Variants in RFC2 observed in about 807,000 individuals in gnomAD.
RFC2 encodes the protein A1 40 kDa subunit.
A neutral mutation model predicts 44.8 loss-of-function variants in RFC2; 34 were observed. The observed-to-expected ratio is 0.76, with a 90% CI of 0.58 to 1.01. The LOEUF (loss-of-function observed/expected upper bound fraction) is 1.01. Ranked by LOEUF, RFC2 falls within the 50% of genes least tolerant of loss-of-function variation. The pLI is 0.00. For synonymous variants in RFC2, 177 were observed against 168.9 expected (o/e 1.05, Z -0.37); for missense variants, 400 against 453.6 (o/e 0.88, Z 1.07).
rs373580293 is a variant in RFC2 at position 74,239,923 on chromosome 7, T to C, written c.693+15A>G. ...GCACAGGATGCCCACGCCTGAATGG[T>C]AGCAGCCCACATACCTGCCTCATGT... On this transcript the variant is annotated intron_variant, in intron 7 of 10. Coordinates refer to ENST00000055077, the MANE Select transcript of RFC2 (RefSeq NM_181471.3). 2.5e-6 allele frequency: 4 copies of C among 1,584,788 alleles called. No homozygotes were observed. In the African/African-American group the frequency reaches 4.0e-5, roughly 16 times the overall value.
At position 74,232,003 on chromosome 7, in the gene RFC2, T is replaced by C; in HGVS notation, c.*103A>G. The C allele has an allele frequency of 1.4e-6, 1 of 729,972 alleles. No individual in the cohort carries two copies. The highest frequency in any genetic ancestry group is 2.5e-5 in the East Asian group (1 of 40,158). The allele number at this position is 729,972 out of a possible 1,614,324, so 45.2% of individuals were successfully genotyped here. On this transcript the variant is annotated 3_prime_UTR_variant, in exon 11 of 11. Coordinates refer to ENST00000055077, the MANE Select transcript of RFC2 (RefSeq NM_181471.3). ...CCAGCCACTGGAGTTTAAAGGACAG[T>C]CATGTTGGCTCCAGCCTAAGGCGGC...
chr7:74,236,138 C>T (rs910770486), intron 9 of RFC2, among the ~76,000 whole-genome samples: 6 of 152,236 alleles, frequency 3.9e-5, no homozygotes, highest in African/African-American at 1.2e-4. Context: ...CTCTGCAGGA[C>T]GAGCCTGGAG....
In RFC2 at chr7:74,249,045, T is replaced by TCTTTGAG. The variant is rs782787421; in HGVS notation, c.292_298dup (p.Asp100AlafsTer13). On this transcript the variant is annotated frameshift_variant, in exon 4 of 11. Transcript: ENST00000055077. LOFTEE classifies it high-confidence loss of function. ...TGAAGCATTGAGTTCCAACATGGCATCTTTGAGTGCTGGGCCCAGCAGGGC... is the reference window on the plus strand; with the variant it reads ...TGAAGCATTGAGTTCCAACATGGCATCTTTGAGCTTTGAGTGCTGGGCCCAGCAGGGC... The TCTTTGAG allele has an allele frequency of 1.3e-5, 21 of 1,613,910 alleles. No homozygotes were observed. The African/African-American group carries it at 2.1e-4, about 16-fold the overall frequency.
At chr7:74,250,977 G>C (rs1554720955) in intron 2 of RFC2, among the ~76,000 whole-genome samples, 2 of 152,066 alleles carry the variant, frequency 1.3e-5, no homozygotes, top group African/African-American at 4.8e-5. Flanking sequence ...AGTAGAGACG[G>C]GGTTTTGCCA....
chr7:74,242,799 T>C lies in RFC2; in HGVS notation c.535+347A>G, dbSNP rs539995427. 2.7e-5 allele frequency among the ~76,000 whole-genome samples: 4 copies of C among 149,454 alleles called. No individual in the cohort carries two copies. In the Admixed American group the frequency reaches 2.7e-4, roughly 10 times the overall value. On this transcript the variant is annotated intron_variant, in intron 6 of 10. Coordinates refer to ENST00000055077, the MANE Select transcript of RFC2 (RefSeq NM_181471.3). ...TTAGCTGGGTGTGGTTGTGCGAGCC[T>C]GTAATCCCAGCTACGCAGGAGGCTG...
intron 5 of RFC2, among the ~76,000 whole-genome samples, chr7:74,246,177 C>T (rs1803592652): frequency 6.6e-6 from 1 of 151,422 alleles, no homozygotes; most frequent in Non-Finnish European, 1.5e-5. Flanking sequence ...GCCTGGGAGA[C>T]AGAGCGAGAC....
chr7:74,234,773 A>C (rs1407462359), intron 10 of RFC2, among the ~76,000 whole-genome samples: 2 of 152,102 alleles, frequency 1.3e-5, no homozygotes, highest in Non-Finnish European at 2.9e-5. Context: ...CTCTGCATGC[A>C]CAGGCTCCCA....
chr7:74,245,217 C>T (rs887663315), intron 5 of RFC2, among the ~76,000 whole-genome samples: 5 of 151,420 alleles, frequency 3.3e-5, no homozygotes, highest in Admixed American at 6.6e-5. Flanking sequence ...TTAGTAGAGA[C>T]GAAGTTTCTC....
intron 5 of RFC2, among the ~76,000 whole-genome samples, chr7:74,244,267 CA>C (rs1326146539): frequency 2.0e-5 from 3 of 149,336 alleles, no homozygotes; most frequent in African/African-American, 7.4e-5. Flanking sequence ...GGCTCCACCT[CA>C]AAAAAATAAA....
At chr7:74,242,184 C>A (rs1349805159) in intron 6 of RFC2, among the ~76,000 whole-genome samples, 1 of 152,180 alleles carries the variant, frequency 6.6e-6, no homozygotes, top group African/African-American at 2.4e-5. Flanking sequence ...ACCAAGTACT[C>A]AGAGCACATG....
chr7:74,233,535 T>C (rs1802840080), intron 10 of RFC2, among the ~76,000 whole-genome samples: 1 of 151,896 alleles, frequency 6.6e-6, no homozygotes, highest in Non-Finnish European at 1.5e-5. Context: ...AAATGCAAAT[T>C]AAAGGCACAA....
intron 1 of RFC2, among the ~76,000 whole-genome samples, chr7:74,252,727 G>A (rs1030578468): frequency 6.6e-6 from 1 of 152,088 alleles, no homozygotes; most frequent in African/African-American, 2.4e-5. Context: ...TTGAGGTCAG[G>A]AGTTTGAGCC....
chr7:74,244,361 T>A (rs1408926602), intron 5 of RFC2, among the ~76,000 whole-genome samples: 38 of 149,584 alleles, frequency 2.5e-4, no homozygotes, highest in African/African-American at 6.6e-4. Flanking sequence ...AAAAAAAAAA[T>A]TTTTTTTTTG....
At position 74,244,804 on chromosome 7, in the gene RFC2, T is replaced by TG. The variant is rs1380284134; in HGVS notation, c.435-1559dup. ...GTAACATAGTGAGATCCTGCCCCTGTGAAAAAAAAAATAGCTGGTTGCAGT... is the reference window on the plus strand; with the variant it reads ...GTAACATAGTGAGATCCTGCCCCTGTGGAAAAAAAAAATAGCTGGTTGCAGT... On this transcript the variant is annotated intron_variant, in intron 5 of 10. Coordinates refer to ENST00000055077, the MANE Select transcript of RFC2 (RefSeq NM_181471.3). Among the ~76,000 whole-genome samples, 15 of 151,180 alleles carry TG rather than the reference T, an allele frequency of 9.9e-5. No homozygotes were observed. In the South Asian group the frequency reaches 2.9e-3, roughly 30 times the overall value.
At chr7:74,236,430 G>A (rs1252110026) in intron 9 of RFC2, among the ~76,000 whole-genome samples, 1 of 152,178 alleles carries the variant, frequency 6.6e-6, no homozygotes, top group Non-Finnish European at 1.5e-5. Context: ...TTGTTAGGGG[G>A]TAGGCAGAGG....
rs891823243 is a variant in RFC2 at position 74,254,333 on chromosome 7, G to T, written c.51C>A (p.Asp17Glu). 1 of 1,611,744 alleles carries T rather than the reference G, an allele frequency of 6.2e-7. No individual in the cohort carries two copies. Among genetic ancestry groups the T allele is most frequent in the Non-Finnish European group, 8.5e-7 (1 of 1,179,262 alleles). ...TGCTGAAGGCAGGGGCAGGGTCAGA[G>T]TCCTGGGCCTCCACCTCGCCCGCGC... ...CGGAGEVEAQ[D>E]SDPAPAFSKA... The change falls in exon 1 of 11, where the codon GAC becomes GAA. Residue 17 changes from aspartate (D) to glutamate (E), a missense_variant. Physicochemically the swap from Asp to Glu is conservative, Grantham distance 45 (BLOSUM62 2). Transcript: ENST00000055077.
chr7:74,245,405 C>A (rs956328031), intron 5 of RFC2, among the ~76,000 whole-genome samples: 6 of 151,000 alleles, frequency 4.0e-5, no homozygotes, highest in Non-Finnish European at 7.4e-5. Context: ...CTGTATACTT[C>A]AAAATAGTTA....
Position 74,249,135 on chromosome 7 carries a change from C to T in RFC2, c.226-17G>A, listed in dbSNP as rs964119505. The T allele has an allele frequency of 1.9e-6, 3 of 1,613,714 alleles. No individual in the cohort carries two copies. The highest frequency in any genetic ancestry group is 1.7e-5 in the Admixed American group (1 of 60,000). Reference sequence around the variant, plus strand: ...TGGAGGGCCCTGGGAATGAGATCTCCAGTAAAGACTTCAAACCACCAGAAG... The same window carrying T: ...TGGAGGGCCCTGGGAATGAGATCTCTAGTAAAGACTTCAAACCACCAGAAG... On this transcript the variant is annotated splice_polypyrimidine_tract_variant and intron_variant, in intron 3 of 10. Coordinates refer to ENST00000055077, the MANE Select transcript of RFC2 (RefSeq NM_181471.3).
intron 4 of RFC2, 53 bp downstream of exon 4, chr7:74,248,959 C>T: frequency 1.6e-6 from 2 of 1,270,906 alleles, no homozygotes; most frequent in Non-Finnish European, 2.3e-6. Context: ...GTTTCTGTAA[C>T]AATTCTCAAT....
Sources: gnomAD v4.1 joint callset for allele counts (sites outside exome capture counted in the v4.1 genomes callset) on GRCh38, gnomAD v4.1.1 for gene constraint, MANE v1.5 for transcripts, NCBI Gene and HGNC (gene_info 2026-07-23, HGNC 2026-07-21) for gene names.